Variants in NIPBL observed in about 807,000 individuals in gnomAD.
The protein encoded by NIPBL is nipped-B-like protein.
A neutral mutation model predicts 321.8 loss-of-function variants in NIPBL; 19 were observed. The ratio of observed to expected loss-of-function variants is 0.06; its 90% CI spans 0.04 to 0.09. The LOEUF is 0.09. Ranked by LOEUF, NIPBL falls within the 10% of genes least tolerant of loss-of-function variation. The pLI, the probability that NIPBL is intolerant of heterozygous loss-of-function variation, is 1.00. For synonymous variants in NIPBL, 1,106 were observed against 1,114.1 expected (o/e 0.99, Z 0.14); for missense variants, 2,210 against 3,327.0 (o/e 0.66, Z 8.26).
chr5:37,016,216 A>T (rs370599543), intron 23 of NIPBL, 46 bp downstream of exon 23: 1 of 1,561,784 alleles, frequency 6.4e-7, no homozygotes, highest in South Asian at 1.1e-5. Context: ...AGAAGACAAC[A>T]TAATGAGGAT....
At chr5:36,997,047 A>T (rs1746200737) in intron 11 of NIPBL, 1 of 152,348 alleles carries the variant, frequency 6.6e-6, no homozygotes, top group South Asian at 2.1e-4. Context: ...TATGAAATGT[A>T]TTGACACACA....
At chr5:36,883,787 C>T (rs372922325) in intron 1 of NIPBL, among the ~76,000 whole-genome samples, 3 of 151,174 alleles carry the variant, frequency 2.0e-5, no homozygotes, top group Non-Finnish European at 3.0e-5. Flanking sequence ...CCAAAGACAT[C>T]GATCGTCTGA....
intron 37 of NIPBL, 36 bp from the exon 38 acceptor site, chr5:37,046,073 G>A (rs1243836673): frequency 1.9e-6 from 2 of 1,047,246 alleles, no homozygotes; most frequent in East Asian, 2.4e-5. Context: ...CTAAGTTACT[G>A]TTCATGAACA....
chr5:36,917,827 T>A (rs1282835932), intron 1 of NIPBL, among the ~76,000 whole-genome samples: 1 of 152,166 alleles, frequency 6.6e-6, no homozygotes, highest in Non-Finnish European at 1.5e-5. Flanking sequence ...AAAAATCAGA[T>A]GGTTGTAGAT....
intron 10 of NIPBL, among the ~76,000 whole-genome samples, chr5:36,992,088 C>G (rs1404385349): frequency 6.6e-6 from 1 of 151,880 alleles, no homozygotes; most frequent in Non-Finnish European, 1.5e-5. Context: ...CATATTAAAG[C>G]CAGAGTATAG....
chr5:36,884,563 G>T lies in NIPBL; in HGVS notation c.-80+7385G>T, dbSNP rs903768537. 2.0e-5 allele frequency among the ~76,000 whole-genome samples: 3 copies of T among 152,150 alleles called. No individual in the cohort carries two copies. The East Asian group carries it at 5.8e-4, about 29-fold the overall frequency. On this transcript the variant is annotated intron_variant, in intron 1 of 46. Coordinates refer to ENST00000282516, the MANE Select transcript of NIPBL (RefSeq NM_133433.4). ...CTTGTATCTCTTGATAAAATAATTT[G>T]TTCCTATATTCGTCAGCCATACTCA... is the stretch of plus-strand genomic sequence containing the variant.
At position 36,993,761 on chromosome 5, in the gene NIPBL, C is replaced by CA. The variant is rs545690956; in HGVS notation, c.3122-1850dup. Among the ~76,000 whole-genome samples, 273 of 145,200 alleles carry CA rather than the reference C, an allele frequency of 1.9e-3. 2 individuals carry two copies. Among genetic ancestry groups the CA allele is most frequent in the African/African-American group, 4.0e-3 (161 of 39,774 alleles). On this transcript the variant is annotated intron_variant, in intron 10 of 46. Transcript: ENST00000282516. ...AGATTATAATGTTTCCAATATACTG[C>CA]AAAAAAAAAAATTTGTATTCTTAGA...
Position 37,065,186 on chromosome 5 carries a change from TGGA to T in NIPBL, c.*295_*297del. On this transcript the variant is annotated 3_prime_UTR_variant, in exon 47 of 47. Transcript: ENST00000282516. ...TTAAAAAAAATAAACAAGTGAATGT[TGGA>T]AATTAGTCTGTTAATGTTCTTAATA... 1 of 418,652 alleles carries T rather than the reference TGGA, an allele frequency of 2.4e-6. No homozygotes were observed. The highest frequency in any genetic ancestry group is 2.4e-5 in the South Asian group (1 of 41,976). The allele number at this position is 418,652 out of a possible 1,614,324, so 25.9% of individuals were successfully genotyped here.
chr5:36,952,065 C>CGCGT, intron 1 of NIPBL, among the ~76,000 whole-genome samples: 1 of 107,982 alleles, frequency 9.3e-6, no homozygotes, highest in Non-Finnish European at 1.9e-5. Context: ...CGCGCGCGCG[C>CGCGT]GCGCGCGCAT....
chr5:37,051,657 C>G lies in NIPBL; in HGVS notation c.6955-122C>G, dbSNP rs148036201. 917 of 701,078 alleles carry G rather than the reference C, an allele frequency of 1.3e-3. 6 individuals are homozygous for G. In the African/African-American group the frequency reaches 0.014, roughly 11 times the overall value. 43.4% of individuals were successfully genotyped at this position (701,078 alleles called of 1,614,324 possible). On this transcript the variant is annotated intron_variant, in intron 40 of 46. Coordinates refer to ENST00000282516, the MANE Select transcript of NIPBL (RefSeq NM_133433.4). ...TTTAAAAAGAACACTAAAACATAGA[C>G]TTTATAGGAAGGCCTATAAGGTTAA...
intron 21 of NIPBL, among the ~76,000 whole-genome samples, chr5:37,010,797 A>C (rs1411195743): frequency 1.3e-5 from 2 of 152,234 alleles, no homozygotes; most frequent in African/African-American, 4.8e-5. Flanking sequence ...CAAAACTGCT[A>C]TACCAGGTTG....
rs144224657 is a variant in NIPBL, at chr5:37,034,659, CAAAG to C, written c.5863-1716_5863-1713del. Among the ~76,000 whole-genome samples, 240 of 151,908 alleles carry C rather than the reference CAAAG, an allele frequency of 1.6e-3. 3 individuals are homozygous for C. The highest frequency in any genetic ancestry group is 5.6e-3 in the African/African-American group (234 of 41,424). On this transcript the variant is annotated intron_variant, in intron 32 of 46. Coordinates refer to ENST00000282516, the MANE Select transcript of NIPBL (RefSeq NM_133433.4). ...ACTACCTTTTTAGAAAGTGGAAAAT[CAAAG>C]AAAAATATAAATAGCATACAGCTTA...
chr5:36,960,695 T>G (rs191613090), intron 4 of NIPBL, among the ~76,000 whole-genome samples: 1 of 152,172 alleles, frequency 6.6e-6, no homozygotes, highest in Non-Finnish European at 1.5e-5. Flanking sequence ...AAAAAGAGAT[T>G]GGCTATAGAA....
Position 36,985,922 on chromosome 5 carries a change from T to G in NIPBL, c.2742T>G (p.Thr914=). 1 of 1,613,910 alleles carries G rather than the reference T, an allele frequency of 6.2e-7. No homozygotes were observed. The highest frequency in any genetic ancestry group is 8.5e-7 in the Non-Finnish European group (1 of 1,179,966). The change falls in exon 10 of 47, where the codon ACT becomes ACG. Residue 914 remains threonine (T), a synonymous_variant. Transcript: ENST00000282516. ...RSDKLGFKSP[T]SKDDKRTEGN... is the part of the protein sequence containing the mutation. ...ATAAACTTGGTTTTAAATCACCAACTAGTAAAGATGACAAAAGGACAGAGG... is the reference window on the plus strand; with the variant it reads ...ATAAACTTGGTTTTAAATCACCAACGAGTAAAGATGACAAAAGGACAGAGG...
chr5:36,886,723 C>G (rs1028368861), intron 1 of NIPBL, among the ~76,000 whole-genome samples: 4 of 151,778 alleles, frequency 2.6e-5, no homozygotes, highest in African/African-American at 9.7e-5. Context: ...CCACCACAAT[C>G]AGAATATTTC....
intron 6 of NIPBL, among the ~76,000 whole-genome samples, chr5:36,970,611 T>TCTCC (rs1315497899): frequency 7.2e-5 from 11 of 151,810 alleles, no homozygotes; most frequent in Admixed American, 7.2e-4. Context: ...AGTGGTTACC[T>TCTCC]CTAGGGAGTA....
At chr5:36,878,222 C>T (rs1342167562) in intron 1 of NIPBL, among the ~76,000 whole-genome samples, 2 of 152,136 alleles carry the variant, frequency 1.3e-5, no homozygotes, top group Admixed American at 6.5e-5. Flanking sequence ...CAGGGCAGTT[C>T]TTCTTGAGGT....
chr5:36,906,479 GA>G (rs1446160538), intron 1 of NIPBL, among the ~76,000 whole-genome samples: 4 of 152,128 alleles, frequency 2.6e-5, no homozygotes, highest in African/African-American at 9.7e-5. Context: ...TTTTCATTAA[GA>G]GTGATATGTC....
At chr5:36,978,229 T>TG in intron 9 of NIPBL, among the ~76,000 whole-genome samples, 1 of 152,198 alleles carries the variant, frequency 6.6e-6, no homozygotes, top group South Asian at 2.1e-4. Context: ...ACCAACAGTG[T>TG]GTAAGTGTTC....
Sources: allele counts gnomAD v4.1 joint callset (sites outside exome capture counted in the v4.1 genomes callset), GRCh38; gene constraint gnomAD v4.1.1; transcripts MANE v1.5; gene names NCBI Gene and HGNC (gene_info 2026-07-23, HGNC 2026-07-21).